Variants in MAGEC3 observed in about 807,000 individuals in gnomAD.
The protein encoded by MAGEC3 is melanoma-associated antigen C3.
In MAGEC3, 34 loss-of-function variants were observed where a neutral mutation model predicts 35.3. The ratio of observed to expected loss-of-function variants is 0.96; its 90% CI spans 0.73 to 1.28. The LOEUF (loss-of-function observed/expected upper bound fraction) is 1.28. Ranked by LOEUF, MAGEC3 falls within the 50% of genes most tolerant of loss-of-function variation. The pLI is 0.00. For synonymous variants in MAGEC3, 202 were observed against 185.6 expected, an observed-to-expected ratio of 1.09 and a Z score of -0.72; for missense variants, 561 against 483.6, an observed-to-expected ratio of 1.16 and a Z score of -1.50.
intron 4 of MAGEC3, among the ~76,000 whole-genome samples, chrX:141,892,339 A>G (rs1386835719): frequency 1.8e-5 from 2 of 111,986 alleles, no homozygotes; most frequent in Non-Finnish European, 3.8e-5. Context: ...GAATTGAACA[A>G]ATCTTCTGAC....
In MAGEC3 at chrX:141,870,000, C is replaced by G. The variant is rs1009719283; in HGVS notation, c.258+4395C>G. Among the ~76,000 whole-genome samples, 4 of 110,759 alleles carry G rather than the reference C, an allele frequency of 3.6e-5. No homozygotes were observed. The Admixed American group carries it at 3.8e-4, about 11-fold the overall frequency. ...ATGCTTCAGGGGCCCTGTGCAGTAC[C>G]CAAAAGCCAGGGGTTAGGAAAGACA... On this transcript the variant is annotated intron_variant, in intron 2 of 7. Coordinates refer to ENST00000298296, the MANE Select transcript of MAGEC3 (RefSeq NM_138702.1).
At position 141,881,545 on chromosome X, in the gene MAGEC3, G is replaced by A. The variant is rs751667407; in HGVS notation, c.658G>A (p.Gly220Ser). ...GATGAATGTCATCAACACATACACGGGCTACTTTCCTATGATCTTCAGGAA... is the reference window on the plus strand; with the variant it reads ...GATGAATGTCATCAACACATACACGAGCTACTTTCCTATGATCTTCAGGAA... The part of the protein sequence containing the change: ...MQMNVINTYT[G>S]YFPMIFRKAR... Residue 220 changes from glycine to serine, a missense_variant, in exon 4 of 8, where the codon GGC (glycine) becomes AGC (serine). Coordinates refer to ENST00000298296, the MANE Select transcript of MAGEC3 (RefSeq NM_138702.1). The A allele has an allele frequency of 4.1e-6, 5 of 1,211,329 alleles. No individual in the cohort carries two copies. The South Asian group carries it at 5.3e-5, about 13-fold the overall frequency.
At chrX:141,877,225 A>G (rs1464623039) in intron 2 of MAGEC3, among the ~76,000 whole-genome samples, 1 of 111,804 alleles carries the variant, frequency 8.9e-6, no homozygotes, top group Non-Finnish European at 1.9e-5. Flanking sequence ...CAGCATTTTA[A>G]TATTTTTGTC....
intron 1 of MAGEC3, among the ~76,000 whole-genome samples, chrX:141,861,076 A>G: frequency 9.0e-6 from 1 of 111,602 alleles, no homozygotes; most frequent in Non-Finnish European, 1.9e-5. Flanking sequence ...TAAAGAAGGA[A>G]TGTATGGATG....
In MAGEC3 at chrX:141,849,864, A is replaced by T. The variant is rs1001118028; in HGVS notation, c.123+11426A>T. Among the ~76,000 whole-genome samples the T allele has an allele frequency of 3.6e-5, 4 of 111,366 alleles. No individual in the cohort carries two copies. The Admixed American group carries it at 3.8e-4, about 11-fold the overall frequency. On this transcript the variant is annotated intron_variant, in intron 1 of 7. Coordinates refer to ENST00000298296, the MANE Select transcript of MAGEC3 (RefSeq NM_138702.1). ...AAAGAACTTAAAACAGAGCAATCCC[A>T]TTACTTGATATATACTCAAAGGAAT...
chrX:141,896,393 A>C, intron 6 of MAGEC3: 4 of 1,069,903 alleles, frequency 3.7e-6, no homozygotes, highest in Non-Finnish European at 3.7e-6. Flanking sequence ...TCTGCCTGCC[A>C]GCTGTGCCCC....
Position 141,881,869 on chromosome X carries a change from C to T in MAGEC3, c.909+73C>T, listed in dbSNP as rs2017969044. The T allele has an allele frequency of 9.5e-6, 11 of 1,156,423 alleles. No individual in the cohort carries two copies. The Admixed American group carries it at 1.8e-4, about 18-fold the overall frequency. ...TGTCACTAAAGTTTGAGTGCAGGGA[C>T]ATTACCTGGAGTAGCGACATGTGCC... On this transcript the variant is annotated intron_variant, in intron 4 of 7. Coordinates refer to ENST00000298296, the MANE Select transcript of MAGEC3 (RefSeq NM_138702.1).
chrX:141,866,624 A>G (rs573017261), intron 2 of MAGEC3, among the ~76,000 whole-genome samples: 7 of 112,591 alleles, frequency 6.2e-5, no homozygotes, highest in African/African-American at 2.3e-4. Flanking sequence ...TAAATGCACA[A>G]CGAAACATGT....
At chrX:141,874,822 A>AG (rs1243035793) in intron 2 of MAGEC3, among the ~76,000 whole-genome samples, 3 of 109,100 alleles carry the variant, frequency 2.7e-5, no homozygotes, top group Non-Finnish European at 5.7e-5. Flanking sequence ...AAATGGTAAA[A>AG]AAAAAAAAAG....
chrX:141,888,816 T>C (rs1157840189), intron 4 of MAGEC3, among the ~76,000 whole-genome samples: 1 of 111,987 alleles, frequency 8.9e-6, no homozygotes, highest in Admixed American at 9.4e-5. Context: ...CACTGAGCCC[T>C]CGATATGGTA....
intron 6 of MAGEC3, 100 bp downstream of exon 6, chrX:141,895,659 A>C: frequency 3.8e-6 from 3 of 783,420 alleles, no homozygotes; most frequent in Non-Finnish European, 5.2e-6. Flanking sequence ...CCTGCTCCTC[A>C]TATCAGCCCT....
At chrX:141,851,167 T>G (rs1483958775) in intron 1 of MAGEC3, among the ~76,000 whole-genome samples, 1 of 110,697 alleles carries the variant, frequency 9.0e-6, no homozygotes, top group East Asian at 2.9e-4. Flanking sequence ...TCTCCATCAC[T>G]TCCAATTTAA....
chrX:141,865,715 A>T lies in MAGEC3; in HGVS notation c.258+110A>T, dbSNP rs761704900. The stretch of plus-strand genomic sequence containing the variant: ...TGGGTGGCCCAAGGCAGGTTTCCCC[A>T]GTTTTGATGTCCGTAGACTTCATTT... On this transcript the variant is annotated intron_variant, in intron 2 of 7. Transcript: ENST00000298296. The T allele has an allele frequency of 9.4e-6, 8 of 846,742 alleles. No homozygotes were observed. The South Asian group carries it at 2.5e-4, about 26-fold the overall frequency. The allele number at this position is 846,742 out of a possible 1,213,427, so 69.8% of individuals were successfully genotyped here. A position where few individuals can be genotyped will look rare whatever the true frequency, so the allele number is the denominator to read the frequency against.
chrX:141,858,603 A>G lies in MAGEC3; in HGVS notation c.124-6868A>G, dbSNP rs181238659. On this transcript the variant is annotated intron_variant, in intron 1 of 7. Transcript: ENST00000298296. Reference sequence around the variant, plus strand: ...TATTCATTTTTTAAAATTCTTCTTTATGTTGTTTGATTTCCAATTCTCCCA... The same window carrying G: ...TATTCATTTTTTAAAATTCTTCTTTGTGTTGTTTGATTTCCAATTCTCCCA... 1.0e-3 allele frequency among the ~76,000 whole-genome samples: 114 copies of G among 110,898 alleles called. 1 individual carries two copies. Among genetic ancestry groups the G allele is most frequent in the Non-Finnish European group, 3.4e-4 (18 of 52,767 alleles).
chrX:141,892,100 C>T (rs1342897037), intron 4 of MAGEC3, among the ~76,000 whole-genome samples: 1 of 111,032 alleles, frequency 9.0e-6, no homozygotes, highest in Non-Finnish European at 1.9e-5. Context: ...AGGAGTCAAC[C>T]TTGTATACAC....
At chrX:141,855,379 A>G (rs2017774181) in intron 1 of MAGEC3, among the ~76,000 whole-genome samples, 1 of 111,467 alleles carries the variant, frequency 9.0e-6, no homozygotes, top group Non-Finnish European at 1.9e-5. Flanking sequence ...TAATGTATTA[A>G]TAACTAATAG....
chrX:141,850,832 A>T (rs780393827), intron 1 of MAGEC3, among the ~76,000 whole-genome samples: 1 of 111,332 alleles, frequency 9.0e-6, no homozygotes, highest in Non-Finnish European at 1.9e-5. Context: ...GCCCAAAATT[A>T]GAACATTTAG....
At chrX:141,883,515 A>G (rs1265242915) in intron 4 of MAGEC3, among the ~76,000 whole-genome samples, 2 of 112,416 alleles carry the variant, frequency 1.8e-5, no homozygotes, top group East Asian at 5.6e-4. Flanking sequence ...GGTGGTGAGT[A>G]GAATCTGATT....
intron 6 of MAGEC3, chrX:141,896,344 TG>T: frequency 1.4e-6 from 1 of 712,547 alleles, no homozygotes; most frequent in Non-Finnish European, 2.0e-6. Flanking sequence ...TGGCAGCACC[TG>T]GCCATAGCCA....
Sources: gnomAD v4.1 joint callset for allele counts (sites outside exome capture counted in the v4.1 genomes callset) on GRCh38, gnomAD v4.1.1 for gene constraint, MANE v1.5 for transcripts, NCBI Gene and HGNC (gene_info 2026-07-23, HGNC 2026-07-21) for gene names.